Variants in FAM120B observed in about 807,000 individuals in gnomAD.
The protein encoded by FAM120B is constitutive coactivator of peroxisome proliferator-activated receptor gamma.
A neutral mutation model predicts 96.3 loss-of-function variants in FAM120B; 83 were observed. The observed-to-expected ratio is 0.86, with a 90% CI of 0.72 to 1.03. The LOEUF is 1.03. FAM120B is among the 50% of genes least tolerant of loss of function. The pLI is 0.00. For missense variants in FAM120B, 1,027 were observed against 1,121.2 expected, an observed-to-expected ratio of 0.92 and a Z score of 1.20; for synonymous variants, 407 against 402.7, an observed-to-expected ratio of 1.01 and a Z score of -0.13.
chr6:170,307,323 G>A (rs1393004483), intron 1 of FAM120B, among the ~76,000 whole-genome samples: 1 of 152,188 alleles, frequency 6.6e-6, no homozygotes, highest in Non-Finnish European at 1.5e-5. Flanking sequence ...CTGAATCAGG[G>A]CCCCAGCTCT....
At chr6:170,322,939 G>A in intron 2 of FAM120B, 140 bp from the exon 3 acceptor site, 1 of 653,056 alleles carries the variant, frequency 1.5e-6, no homozygotes, top group South Asian at 2.2e-5. Context: ...ATGGCAACTT[G>A]ATGTCATGAA....
intron 2 of FAM120B, among the ~76,000 whole-genome samples, chr6:170,320,030 T>G (rs1785184850): frequency 6.6e-6 from 1 of 152,254 alleles, no homozygotes; most frequent in Non-Finnish European, 1.5e-5. Flanking sequence ...TCATTAGATC[T>G]TCTCAACAGC....
At chr6:170,321,455 A>G (rs1051217569) in intron 2 of FAM120B, among the ~76,000 whole-genome samples, 1 of 152,160 alleles carries the variant, frequency 6.6e-6, no homozygotes, top group Admixed American at 6.5e-5. Context: ...CAGTGGCACT[A>G]TATCCTCTGC....
upstream of FAM120B, among the ~76,000 whole-genome samples, chr6:170,304,818 C>G (rs1373519503): frequency 6.6e-6 from 1 of 152,166 alleles, no homozygotes; most frequent in Non-Finnish European, 1.5e-5. Flanking sequence ...CTTCCAGGCT[C>G]AGTTCACAAA....
At chr6:170,378,315 C>A (rs943256144) in intron 6 of FAM120B, among the ~76,000 whole-genome samples, 1 of 152,106 alleles carries the variant, frequency 6.6e-6, no homozygotes, top group Non-Finnish European at 1.5e-5. Context: ...CTAAGAGGAG[C>A]TTGAGACTTG....
chr6:170,393,864 G>A (rs1405948225), intron 8 of FAM120B, among the ~76,000 whole-genome samples: 1 of 152,140 alleles, frequency 6.6e-6, no homozygotes, highest in Non-Finnish European at 1.5e-5. Flanking sequence ...AGTCCTGACT[G>A]CCGTTGTCTG....
chr6:170,340,216 C>T (rs1786727502), intron 4 of FAM120B, among the ~76,000 whole-genome samples: 2 of 152,106 alleles, frequency 1.3e-5, no homozygotes, highest in South Asian at 4.1e-4. Flanking sequence ...CTAATCTTGT[C>T]GTCATGCCTT....
rs764617377 is a variant in FAM120B, at chr6:170,317,749, A to G, written c.359A>G (p.Lys120Arg). Residue 120 changes from lysine (K) to arginine (R), a missense_variant, in exon 2 of 11, where the codon AAG becomes AGG. Physicochemically the swap from Lys to Arg is conservative, Grantham distance 26 (BLOSUM62 2). Coordinates refer to ENST00000476287, the MANE Select transcript of FAM120B (RefSeq NM_032448.3). Reference protein sequence around the residue: ...REISRIFHYIKSHKEQPGRNM... With the variant: ...REISRIFHYIRSHKEQPGRNM... Reference sequence around the variant, plus strand: ...ATATCCAGGATTTTTCATTACATCAAGTCACACAAGGAGCAGCCAGGCAGA... The same window carrying G: ...ATATCCAGGATTTTTCATTACATCAGGTCACACAAGGAGCAGCCAGGCAGA... 12 of 1,614,184 alleles carry G rather than the reference A, an allele frequency of 7.4e-6. No homozygotes were observed. The highest frequency in any genetic ancestry group is 9.3e-6 in the Non-Finnish European group (11 of 1,179,992).
chr6:170,360,899 A>G (rs111565720), intron 6 of FAM120B, among the ~76,000 whole-genome samples: 6,357 of 152,008 alleles, frequency 0.042, 186 homozygotes, highest in Middle Eastern at 0.11. Context: ...TGAAAGGTGG[A>G]GATGTGGTTT....
At chr6:170,387,136 GTGT>G (rs1365500535) in intron 6 of FAM120B, among the ~76,000 whole-genome samples, 3 of 152,166 alleles carry the variant, frequency 2.0e-5, no homozygotes, top group African/African-American at 7.2e-5. Flanking sequence ...TTAAAAACGA[GTGT>G]TGTTTTGGAT....
intron 6 of FAM120B, among the ~76,000 whole-genome samples, chr6:170,382,386 C>T (rs184894943): frequency 2.6e-4 from 40 of 152,150 alleles, no homozygotes; most frequent in Non-Finnish European, 5.3e-4. Context: ...CCTGGGCAAC[C>T]GAGTGAGACC....
Position 170,388,292 on chromosome 6 carries a change from T to C in FAM120B, c.2289T>C (p.Asp763=). The change falls in exon 7 of 11, where the codon GAT becomes GAC. Residue 763 remains aspartate, a synonymous_variant. Transcript: ENST00000476287. ...GTGTGTTCTGGTCTCCACAGCCTGA[T>C]TACATCAACCCCAGAGCCGTGCAGC... ...STSQLVNLQP[D]YINPRAVQLG... 1.2e-6 allele frequency: 2 copies of C among 1,613,598 alleles called. No homozygotes were observed. The highest frequency in any genetic ancestry group is 1.7e-6 in the Non-Finnish European group (2 of 1,179,990).
intron 7 of FAM120B, among the ~76,000 whole-genome samples, chr6:170,390,572 ATGT>A (rs1012665455): frequency 4.0e-5 from 6 of 151,332 alleles, no homozygotes; most frequent in South Asian, 2.1e-4. Flanking sequence ...TGATCTGCTG[ATGT>A]TGTTTTGTTT....
At chr6:170,367,582 G>A (rs1328428806) in intron 6 of FAM120B, among the ~76,000 whole-genome samples, 7 of 152,198 alleles carry the variant, frequency 4.6e-5, no homozygotes, top group Admixed American at 6.5e-5. Flanking sequence ...AGGTAAGTCC[G>A]CGGGGAGACG....
At chr6:170,381,018 A>G (rs2115286016) in intron 6 of FAM120B, among the ~76,000 whole-genome samples, 1 of 152,336 alleles carries the variant, frequency 6.6e-6, no homozygotes, top group South Asian at 2.1e-4. Context: ...AAGCTAGCAA[A>G]ACATTTTTTA....
intron 3 of FAM120B, 150 bp downstream of exon 3, chr6:170,323,409 CTGACAT>C: frequency 1.5e-6 from 1 of 648,672 alleles, no homozygotes; most frequent in Non-Finnish European, 2.6e-6. Context: ...GAGAATACCA[CTGACAT>C]CTGTAAAAAA....
chr6:170,388,202 C>A (rs1790298921), intron 6 of FAM120B, 85 bp from the exon 7 acceptor site: 1 of 1,152,452 alleles, frequency 8.7e-7, no homozygotes, highest in African/African-American at 1.5e-5. Context: ...CCGTTCTGAG[C>A]AGAGTAACTT....
chr6:170,363,853 C>T lies in FAM120B; in HGVS notation c.2283+5535C>T, dbSNP rs1222682786. On this transcript the variant is annotated intron_variant, in intron 6 of 10. Transcript: ENST00000476287. This position sits in a 1 kb window ranked among gnomAD's most constrained non-coding sequence, Gnocchi z 4.5. ...GAACTCAGCTCACTGCAACCTCAGC[C>T]TCCCGAGTAGCTGGGATTACGGGCA... is the stretch of plus-strand genomic sequence containing the variant. Among the ~76,000 whole-genome samples, 4 of 152,130 alleles carry T rather than the reference C, an allele frequency of 2.6e-5. No homozygotes were observed. Among genetic ancestry groups the T allele is most frequent in the Non-Finnish European group, 4.4e-5 (3 of 68,020 alleles).
In FAM120B at chr6:170,391,008, T is replaced by G. The variant is rs780774890; in HGVS notation, c.2491-5T>G. ...ACATCTCATTTGCATCTGGTCTGTT[T>G]GCAGAGATCTCGGCTCACCAAATTC... On this transcript the variant is annotated splice_region_variant and splice_polypyrimidine_tract_variant and intron_variant, in intron 7 of 10. Coordinates refer to ENST00000476287, the MANE Select transcript of FAM120B (RefSeq NM_032448.3). 1.9e-6 allele frequency: 3 copies of G among 1,613,538 alleles called. No individual in the cohort carries two copies. The highest frequency in any genetic ancestry group is 2.5e-6 in the Non-Finnish European group (3 of 1,179,556).
Sources: allele counts gnomAD v4.1 joint callset (sites outside exome capture counted in the v4.1 genomes callset), GRCh38; gene constraint gnomAD v4.1.1; non-coding constraint Gnocchi (gnomAD v3.1); transcripts MANE v1.5; gene names NCBI Gene and HGNC (gene_info 2026-07-23, HGNC 2026-07-21).